Variants in ADAMTS19 observed in about 807,000 individuals in gnomAD.
ADAMTS19 encodes the protein ADAM metallopeptidase with thrombospondin type 1 motif 19.
Under a neutral mutation model 153.3 loss-of-function variants are expected in ADAMTS19, and 93 were observed. The ratio of observed to expected loss-of-function variants is 0.61; its 90% CI spans 0.51 to 0.72. The LOEUF (loss-of-function observed/expected upper bound fraction) is 0.72, where lower values mean the gene tolerates loss of function less well. Among genes scored for constraint, ADAMTS19 ranks in the 30% least tolerant of loss-of-function variants. ADAMTS19 has a pLI of 0.00. For missense variants in ADAMTS19, 1,482 were observed against 1,552.1 expected, an observed-to-expected ratio of 0.95 and a Z score of 0.76; for synonymous variants, 600 against 556.6, an observed-to-expected ratio of 1.08 and a Z score of -1.10.
At position 129,684,259 on chromosome 5, in the gene ADAMTS19, C is replaced by T. The variant is rs1754965236; in HGVS notation, c.2804C>T (p.Ala935Val). ...CACACAAGCTGGGAAGATTGCGATG[C>T]CACTTGTGGAGGAGGTGAAGGATTT... ...WTHTSWEDCDATCGGGERKTT... is the reference protein window; with the variant it reads ...WTHTSWEDCDVTCGGGERKTT... Residue 935 changes from alanine to valine, a missense_variant, in exon 18 of 23, where the codon GCC becomes GTC. By Grantham distance (64) the Ala-to-Val change is moderately conservative. Around this residue, in one of 2 missense-constraint regions of ADAMTS19, gnomAD observed 616 missense variants for 724.4 expected, o/e 0.85. Coordinates refer to ENST00000274487, the MANE Select transcript of ADAMTS19 (RefSeq NM_133638.6). 2 of 1,613,862 alleles carry T rather than the reference C, an allele frequency of 1.2e-6. No individual in the cohort carries two copies. The highest frequency in any genetic ancestry group is 2.7e-5 in the African/African-American group (2 of 74,918).
At chr5:129,709,627 G>A (rs1030407299) in intron 21 of ADAMTS19, among the ~76,000 whole-genome samples, 2 of 145,502 alleles carry the variant, frequency 1.4e-5, no homozygotes, top group African/African-American at 2.6e-5. Flanking sequence ...GTGTTCTCCT[G>A]TTGCATAATT....
At chr5:129,614,139 CTA>C (rs879929286) in intron 8 of ADAMTS19, among the ~76,000 whole-genome samples, 15 of 152,216 alleles carry the variant, frequency 9.9e-5, no homozygotes, top group Non-Finnish European at 2.1e-4. Context: ...CCTTCTGAAA[CTA>C]TTCCAATCAA....
intron 15 of ADAMTS19, among the ~76,000 whole-genome samples, chr5:129,663,557 ATATT>A (rs1753911129): frequency 1.3e-5 from 2 of 152,138 alleles, no homozygotes; most frequent in Admixed American, 1.3e-4. Context: ...ATTGTGTTCA[ATATT>A]TATTATACCC....
intron 15 of ADAMTS19, among the ~76,000 whole-genome samples, chr5:129,664,407 C>T (rs961706454): frequency 4.6e-5 from 7 of 151,976 alleles, no homozygotes; most frequent in African/African-American, 1.4e-4. Flanking sequence ...AATGACAGTG[C>T]TTTTATGTTT....
chr5:129,606,527 T>C (rs1750903852), intron 8 of ADAMTS19, among the ~76,000 whole-genome samples: 1 of 152,260 alleles, frequency 6.6e-6, no homozygotes, highest in South Asian at 2.1e-4. Context: ...TCGTCTCCTT[T>C]GCTACCTCAT....
chr5:129,623,934 C>A (rs1451650317), intron 10 of ADAMTS19, among the ~76,000 whole-genome samples: 1 of 151,006 alleles, frequency 6.6e-6, no homozygotes, highest in African/African-American at 2.4e-5. Flanking sequence ...TCCTGGCTAA[C>A]ACGGTGAAAC....
chr5:129,471,450 A>AGAAGGAAGGAAGGAAGGAAGGAAGGAAG (rs141743571), intron 2 of ADAMTS19, among the ~76,000 whole-genome samples: 61 of 146,634 alleles, frequency 4.2e-4, no homozygotes, highest in African/African-American at 1.3e-3. Flanking sequence ...AGAAAGAAAA[A>AGAAGGAAGGAAGGAAGGAAGGAAGGAAG]GAAGGAAGGA....
chr5:129,721,266 T>A (rs1756995724), intron 21 of ADAMTS19, among the ~76,000 whole-genome samples: 1 of 152,188 alleles, frequency 6.6e-6, no homozygotes, highest in African/African-American at 2.4e-5. Flanking sequence ...AACTATATCA[T>A]AAAAGGAACA....
intron 7 of ADAMTS19, among the ~76,000 whole-genome samples, chr5:129,575,848 A>C (rs72790615): frequency 0.079 from 11,970 of 152,124 alleles, 595 homozygotes; most frequent in Middle Eastern, 0.15. Flanking sequence ...AGTTTGGCTT[A>C]ATTCAAAATC....
intron 10 of ADAMTS19, among the ~76,000 whole-genome samples, chr5:129,629,035 C>A (rs1483929126): frequency 1.3e-5 from 2 of 151,936 alleles, no homozygotes; most frequent in Non-Finnish European, 2.9e-5. Context: ...TATGTGGAGT[C>A]ACCCTACCTG....
At position 129,601,537 on chromosome 5, in the gene ADAMTS19, C is replaced by T. The variant is rs556827605; in HGVS notation, c.1478+4873C>T. 2.8e-4 allele frequency among the ~76,000 whole-genome samples: 43 copies of T among 152,156 alleles called. No individual in the cohort carries two copies. In the South Asian group the frequency reaches 4.8e-3, roughly 17 times the overall value. ...AGACTAATCTGAGTTGATTTGCTAG[C>T]ATAACTCAGAAAACTCAGCAAAGTG... is the stretch of plus-strand genomic sequence containing the variant. On this transcript the variant is annotated intron_variant, in intron 8 of 22. Coordinates refer to ENST00000274487, the MANE Select transcript of ADAMTS19 (RefSeq NM_133638.6).
At chr5:129,623,224 CAGAG>C (rs1047892651) in intron 10 of ADAMTS19, among the ~76,000 whole-genome samples, 4 of 152,052 alleles carry the variant, frequency 2.6e-5, no homozygotes, top group African/African-American at 9.7e-5. Context: ...AGTAATTACT[CAGAG>C]AGAACAGTAG....
chr5:129,461,150 C>T lies in ADAMTS19; in HGVS notation c.140C>T (p.Ala47Val), dbSNP rs1469702137. 1.3e-5 allele frequency: 19 copies of T among 1,409,054 alleles called. No individual in the cohort carries two copies. The highest frequency in any genetic ancestry group is 1.6e-5 in the Non-Finnish European group (17 of 1,077,586). The allele number at this position is 1,409,054 out of a possible 1,614,324, so 87.3% of individuals were successfully genotyped here. A position where few individuals can be genotyped will look rare whatever the true frequency, so the allele number is the denominator to read the frequency against. ...DREEWEVVFP[A>V]LWRREPVDPA... is the part of the protein sequence containing the mutation. ...GAGGAGTGGGAAGTCGTGTTTCCTG[C>T]GCTCTGGCGCCGGGAGCCGGTGGAC... is the stretch of plus-strand genomic sequence containing the variant. The change falls in exon 2 of 23, where the codon GCG becomes GTG. Residue 47 changes from alanine to valine, a missense_variant. Physicochemically the swap from Ala to Val is moderately conservative, Grantham distance 64. Coordinates refer to ENST00000274487, the MANE Select transcript of ADAMTS19 (RefSeq NM_133638.6). This position sits in a 1 kb window ranked among gnomAD's most constrained non-coding sequence, Gnocchi z 4.6.
rs542540836 is a variant in ADAMTS19 at position 129,666,215 on chromosome 5, GA to G, written c.2506+643del. ...GGTCAATTCATGATTTTAAATATAT[GA>G]AAAAAATACTAAATTGTCAAAATAT... On this transcript the variant is annotated intron_variant, in intron 16 of 22. Coordinates refer to ENST00000274487, the MANE Select transcript of ADAMTS19 (RefSeq NM_133638.6). Among the ~76,000 whole-genome samples, 385 of 151,730 alleles carry G rather than the reference GA, an allele frequency of 2.5e-3. 1 individual carries two copies. The highest frequency in any genetic ancestry group is 7.6e-3 in the African/African-American group (313 of 41,400).
At chr5:129,716,167 A>G (rs1756718918) in intron 21 of ADAMTS19, among the ~76,000 whole-genome samples, 1 of 152,092 alleles carries the variant, frequency 6.6e-6, no homozygotes, top group Admixed American at 6.6e-5. Context: ...TGGCATTCCA[A>G]TAACTCCTCA....
intron 10 of ADAMTS19, among the ~76,000 whole-genome samples, chr5:129,636,799 G>A (rs1752552633): frequency 6.6e-6 from 1 of 152,174 alleles, no homozygotes; most frequent in Non-Finnish European, 1.5e-5. Context: ...TGTAGTCAAT[G>A]TTTATTAAGA....
chr5:129,614,758 A>G (rs1298496273), intron 8 of ADAMTS19, among the ~76,000 whole-genome samples: 1 of 152,156 alleles, frequency 6.6e-6, no homozygotes, highest in Non-Finnish European at 1.5e-5. Flanking sequence ...CCCTGTTTGC[A>G]GACGACATGA....
At chr5:129,483,999 C>T (rs1750506478) in intron 2 of ADAMTS19, among the ~76,000 whole-genome samples, 1 of 152,114 alleles carries the variant, frequency 6.6e-6, no homozygotes, top group Admixed American at 6.6e-5. Context: ...CTCTCACTAA[C>T]TGTAGTTAAG....
chr5:129,520,987 T>G (rs560757363), intron 3 of ADAMTS19, among the ~76,000 whole-genome samples: 1 of 152,240 alleles, frequency 6.6e-6, no homozygotes, highest in East Asian at 1.9e-4. Flanking sequence ...TAGTGATATA[T>G]TTTATATGCT....
Sources: gnomAD v4.1 joint callset for allele counts (sites outside exome capture counted in the v4.1 genomes callset) on GRCh38, gnomAD v4.1.1 for gene constraint, gnomAD v4.1.1 regional missense constraint, Gnocchi (gnomAD v3.1) non-coding constraint, MANE v1.5 for transcripts, NCBI Gene and HGNC (gene_info 2026-07-23, HGNC 2026-07-21) for gene names.